Variants in RYK observed in about 807,000 individuals in gnomAD.
The protein encoded by RYK is inactive tyrosine-protein kinase RYK.
Under a neutral mutation model 70.2 loss-of-function variants are expected in RYK, and 21 were observed. The ratio of observed to expected loss-of-function variants is 0.30; its 90% CI spans 0.21 to 0.43. The LOEUF is 0.43. RYK is among the 20% of genes least tolerant of loss of function. RYK has a pLI of 1.00. For synonymous variants in RYK, 267 were observed against 278.0 expected, an observed-to-expected ratio of 0.96 and a Z score of 0.39; for missense variants, 604 against 753.3, an observed-to-expected ratio of 0.80 and a Z score of 2.32.
chr3:134,188,150 A>AATATAT (rs56113636), intron 9 of RYK, among the ~76,000 whole-genome samples: 8 of 136,672 alleles, frequency 5.9e-5, no homozygotes, highest in East Asian at 2.1e-4. Context: ...ACAATCTAAC[A>AATATAT]ATATATATAT....
chr3:134,243,211 A>G (rs2015371066), intron 1 of RYK, among the ~76,000 whole-genome samples: 1 of 152,128 alleles, frequency 6.6e-6, no homozygotes, highest in Non-Finnish European at 1.5e-5. Flanking sequence ...TCAGTTGCCC[A>G]AATCTGAAAC....
chr3:134,237,468 A>G (rs776029573), intron 1 of RYK, among the ~76,000 whole-genome samples: 1 of 152,170 alleles, frequency 6.6e-6, no homozygotes, highest in Non-Finnish European at 1.5e-5. Flanking sequence ...GATAAAAGTC[A>G]ACTACATCAA....
intron 2 of RYK, among the ~76,000 whole-genome samples, chr3:134,216,627 C>A (rs1436955031): frequency 6.6e-6 from 1 of 151,550 alleles, no homozygotes; most frequent in Non-Finnish European, 1.5e-5. Context: ...CCTGTCTCTA[C>A]TAAAAATACA....
chr3:134,199,502 G>A (rs2013919384), intron 6 of RYK, among the ~76,000 whole-genome samples: 1 of 152,186 alleles, frequency 6.6e-6, no homozygotes. Flanking sequence ...TCCTGAAAAA[G>A]TTATTTAATC....
chr3:134,192,982 T>G (rs2013692996), intron 7 of RYK, among the ~76,000 whole-genome samples: 1 of 152,210 alleles, frequency 6.6e-6, no homozygotes, highest in Non-Finnish European at 1.5e-5. Flanking sequence ...GGCTACTATG[T>G]CTTCAAATAT....
At chr3:134,159,742 T>C (rs1339715351) in intron 13 of RYK, among the ~76,000 whole-genome samples, 1 of 152,128 alleles carries the variant, frequency 6.6e-6, no homozygotes, top group African/African-American at 2.4e-5. Flanking sequence ...TTTAGTTTAA[T>C]TAAAGGGAAG....
chr3:134,158,195 C>A lies in RYK; in HGVS notation c.1782G>T (p.Gln594His). ...EERPKFQQLV[Q>H]CLTEFHAALG... ...GGGCTGCATGAAACTCTGTTAGGCA[C>A]TGTACCAGCTGCTGAAACTTGGGCC... Residue 594 changes from glutamine to histidine, a missense_variant, in exon 15 of 15, where the codon CAG (glutamine) becomes CAT (histidine). Around this residue, in one of 2 missense-constraint regions of RYK, gnomAD observed 138 missense variants for 217.4 expected, o/e 0.63. Transcript: ENST00000623711. 6.4e-7 allele frequency: 1 copy of A among 1,573,978 alleles called. No homozygotes were observed. Among genetic ancestry groups the A allele is most frequent in the Non-Finnish European group, 8.6e-7 (1 of 1,158,074 alleles).
rs947465241 is a variant in RYK at position 134,185,631 on chromosome 3, TA to T, written c.1103-2561del. Among the ~76,000 whole-genome samples the T allele has an allele frequency of 2.2e-4, 34 of 152,344 alleles. 1 individual carries two copies. Among genetic ancestry groups the T allele is most frequent in the Admixed American group, 1.4e-3 (22 of 15,306 alleles). On this transcript the variant is annotated intron_variant, in intron 9 of 14. Transcript: ENST00000623711. Reference sequence around the variant, plus strand: ...AGTAAATAGCAAAATGTGCCTTTATTACTCTTTCTATAACCTAAATAATTTC... The same window carrying T: ...AGTAAATAGCAAAATGTGCCTTTATTCTCTTTCTATAACCTAAATAATTTC...
At chr3:134,216,441 T>C (rs1180801592) in intron 2 of RYK, among the ~76,000 whole-genome samples, 1 of 151,676 alleles carries the variant, frequency 6.6e-6, no homozygotes, top group Non-Finnish European at 1.5e-5. Context: ...GGGGTAAGGG[T>C]GGGTAGTGGG....
chr3:134,159,289 A>G lies in RYK; in HGVS notation c.1660T>C (p.Tyr554His). The stretch of plus-strand genomic sequence containing the variant: ...GCTATTCGGTAACCATCTTTCAGGT[A>G]TGCGGCCATCTCGAAGGGGTCAATG... ...VDIDPFEMAA[Y>H]LKDGYRIAQP... Residue 554 changes from tyrosine to histidine, a missense_variant, in exon 14 of 15, where the codon TAC (tyrosine) becomes CAC (histidine). Transcript: ENST00000623711. 4.3e-6 allele frequency: 7 copies of G among 1,613,964 alleles called. No individual in the cohort carries two copies. Among genetic ancestry groups the G allele is most frequent in the Non-Finnish European group, 5.9e-6 (7 of 1,179,868 alleles).
chr3:134,184,961 C>CAAAA (rs34543975), intron 9 of RYK, among the ~76,000 whole-genome samples: 3 of 80,068 alleles, frequency 3.7e-5, no homozygotes, highest in Admixed American at 1.3e-4. Flanking sequence ...CCCATCTCTA[C>CAAAA]AAAAAAAAAA....
intron 5 of RYK, among the ~76,000 whole-genome samples, chr3:134,205,544 G>A (rs2014189378): frequency 6.6e-6 from 1 of 152,146 alleles, no homozygotes; most frequent in South Asian, 2.1e-4. Context: ...TACTGTCCAA[G>A]CACTTTCCAG....
At chr3:134,183,832 A>G (rs2013378983) in intron 9 of RYK, among the ~76,000 whole-genome samples, 2 of 152,246 alleles carry the variant, frequency 1.3e-5, no homozygotes, top group Admixed American at 1.3e-4. Context: ...ATGGGATACT[A>G]TGTGGCTACT....
chr3:134,203,206 G>A (rs1469879235), intron 5 of RYK, among the ~76,000 whole-genome samples: 2 of 152,118 alleles, frequency 1.3e-5, no homozygotes, highest in Middle Eastern at 3.2e-3. Context: ...AAATTAGCTG[G>A]GCATGGTGGC....
chr3:134,188,007 TTTAA>T (rs2013523287), intron 9 of RYK, among the ~76,000 whole-genome samples: 1 of 152,062 alleles, frequency 6.6e-6, no homozygotes, highest in Non-Finnish European at 1.5e-5. Context: ...ATAGGGAATC[TTTAA>T]TTAAATAACT....
In RYK at chr3:134,202,893, G is replaced by A; in HGVS notation, c.644-19C>T. ...GGATCATCTGAAATAAAAACAAAAA[G>A]CACATTTAGCTTTTTAAACAAATAT... On this transcript the variant is annotated intron_variant, in intron 5 of 14. Transcript: ENST00000623711. The A allele has an allele frequency of 1.9e-6, 3 of 1,605,064 alleles. No homozygotes were observed. The highest frequency in any genetic ancestry group is 2.5e-6 in the Non-Finnish European group (3 of 1,176,614).
chr3:134,200,963 T>A (rs1223550868), intron 6 of RYK, among the ~76,000 whole-genome samples: 1 of 152,228 alleles, frequency 6.6e-6, no homozygotes, highest in East Asian at 1.9e-4. Context: ...CCCCATGGAA[T>A]CTGAAAGTTA....
intron 9 of RYK, among the ~76,000 whole-genome samples, chr3:134,186,459 C>G (rs377047350): frequency 2.2e-4 from 34 of 152,312 alleles, no homozygotes; most frequent in African/African-American, 7.7e-4. Context: ...GTGGCTACAA[C>G]TAAAACCATA....
chr3:134,199,338 CTG>C (rs1469161050), intron 6 of RYK, among the ~76,000 whole-genome samples: 8 of 152,238 alleles, frequency 5.3e-5, no homozygotes, highest in African/African-American at 1.9e-4. Flanking sequence ...CCTCACCAGA[CTG>C]TGTGAGGATT....
Sources: allele counts gnomAD v4.1 joint callset (sites outside exome capture counted in the v4.1 genomes callset), GRCh38; gene constraint gnomAD v4.1.1; regional missense constraint gnomAD v4.1.1; transcripts MANE v1.5; gene names NCBI Gene and HGNC (gene_info 2026-07-23, HGNC 2026-07-21).